ATOX1: variants seen among roughly 807,000 people sequenced by gnomAD.
ATOX1 encodes the protein copper transport protein ATOX1.
In ATOX1, 4 loss-of-function variants were observed where a neutral mutation model predicts 7.3. The ratio of observed to expected loss-of-function variants is 0.55; its 90% CI spans 0.27 to 1.25. ATOX1 has a LOEUF of 1.25. Ranked by LOEUF, ATOX1 falls within the 50% of genes most tolerant of loss-of-function variation. The pLI is 0.12. For missense variants in ATOX1, 68 were observed against 81.6 expected (o/e 0.83, Z 0.64); for synonymous variants, 25 against 28.7 (o/e 0.87, Z 0.41).
At chr5:151,752,560 G>A (rs1447836484) in intron 1 of ATOX1, 10 of 537,934 alleles carry the variant, frequency 1.9e-5, no homozygotes, top group Non-Finnish European at 3.3e-5. Flanking sequence ...CCTGGACAGA[G>A]TAGGTGCTTA....
intron 2 of ATOX1, among the ~76,000 whole-genome samples, chr5:151,749,318 T>G (rs938307978): frequency 2.6e-5 from 4 of 151,762 alleles, no homozygotes; most frequent in African/African-American, 9.7e-5. Context: ...AAACCCCGTC[T>G]CTACTAAAAA....
At chr5:151,744,425 GTTA>G (rs995036365) in intron 3 of ATOX1, 6 of 152,166 alleles carry the variant, frequency 3.9e-5, no homozygotes, top group Non-Finnish European at 7.3e-5. Flanking sequence ...GGTTAAAATA[GTTA>G]TTATGTCTTG....
intron 1 of ATOX1, among the ~76,000 whole-genome samples, chr5:151,756,629 C>A (rs1303799592): frequency 6.6e-6 from 1 of 152,134 alleles, no homozygotes; most frequent in African/African-American, 2.4e-5. Flanking sequence ...CGGGCCACCA[C>A]GTCTGGCTAA....
intron 2 of ATOX1, among the ~76,000 whole-genome samples, chr5:151,749,779 C>G (rs540644108): frequency 1.3e-5 from 2 of 152,116 alleles, no homozygotes; most frequent in African/African-American, 4.8e-5. Flanking sequence ...GAAAGAAGGG[C>G]CCACAGTCAC....
intron 2 of ATOX1, among the ~76,000 whole-genome samples, chr5:151,747,342 G>T (rs1367838161): frequency 1.3e-5 from 2 of 152,082 alleles, no homozygotes; most frequent in Non-Finnish European, 2.9e-5. Context: ...CTGGAGTGCA[G>T]TGGCACAATC....
At chr5:151,757,580 C>G (rs566449112) in intron 1 of ATOX1, among the ~76,000 whole-genome samples, 2 of 152,340 alleles carry the variant, frequency 1.3e-5, no homozygotes, top group African/African-American at 4.8e-5. Flanking sequence ...TGTGGGATAC[C>G]TCTGGGTATC....
At chr5:151,750,667 G>A (rs1435832398) in intron 2 of ATOX1, among the ~76,000 whole-genome samples, 1 of 105,178 alleles carries the variant, frequency 9.5e-6, no homozygotes, top group Non-Finnish European at 1.8e-5. Flanking sequence ...TTTTTTTGGA[G>A]ACAGGGTCTT....
chr5:151,748,678 G>A (rs557189399), intron 2 of ATOX1, among the ~76,000 whole-genome samples: 114 of 151,968 alleles, frequency 7.5e-4, no homozygotes, highest in Middle Eastern at 6.8e-3. Flanking sequence ...CCTGGCTAAC[G>A]TGGTGAAACC....
intron 2 of ATOX1, among the ~76,000 whole-genome samples, chr5:151,751,254 C>G (rs763430152): frequency 4.0e-5 from 5 of 124,008 alleles, no homozygotes; most frequent in Non-Finnish European, 6.5e-5. Context: ...GAAACTCTGT[C>G]TCAAAAAAAA....
chr5:151,746,494 C>T (rs759710128), intron 2 of ATOX1, 45 bp from the exon 3 acceptor site: 2 of 1,609,768 alleles, frequency 1.2e-6, no homozygotes, highest in Non-Finnish European at 1.7e-6. Context: ...AGCACAGACC[C>T]TCCCAGTTAC....
At chr5:151,755,444 C>T (rs896439599) in intron 1 of ATOX1, among the ~76,000 whole-genome samples, 4 of 152,168 alleles carry the variant, frequency 2.6e-5, no homozygotes, top group Non-Finnish European at 4.4e-5. Context: ...AGGCTTTCTT[C>T]GCTCCAGGGA....
Position 151,751,714 on chromosome 5 carries a change from A to G in ATOX1, c.72T>C (p.Asn24=). Residue 24 remains asparagine (N), a synonymous_variant, in exon 2 of 4, where the codon AAT becomes AAC. Coordinates refer to ENST00000313115, the MANE Select transcript of ATOX1 (RefSeq NM_004045.4). The part of the protein sequence containing the change: ...GCAEAVSRVL[N]KLGGVKYDID... ...GGGCCACTCACTCACCTCCAAGCTTATTGAGGACCCGAGAGACAGCTTCAG... is the reference window on the plus strand; with the variant it reads ...GGGCCACTCACTCACCTCCAAGCTTGTTGAGGACCCGAGAGACAGCTTCAG... The G allele has an allele frequency of 6.2e-7, 1 of 1,606,710 alleles. No individual in the cohort carries two copies. Among genetic ancestry groups the G allele is most frequent in the African/African-American group, 1.3e-5 (1 of 74,852 alleles).
chr5:151,746,559 C>A, intron 2 of ATOX1, 110 bp from the exon 3 acceptor site: 2 of 1,457,194 alleles, frequency 1.4e-6, no homozygotes, highest in Non-Finnish European at 1.9e-6. Context: ...TTGCCCTTTC[C>A]TCTAGAGCAG....
chr5:151,758,514 G>A, intron 1 of ATOX1, 32 bp downstream of exon 1: 3 of 1,483,910 alleles, frequency 2.0e-6, no homozygotes, highest in Non-Finnish European at 2.7e-6. Flanking sequence ...GGGACTGCAA[G>A]TCTGCGTGGC....
chr5:151,749,634 C>G (rs1430103961), intron 2 of ATOX1, among the ~76,000 whole-genome samples: 8 of 149,062 alleles, frequency 5.4e-5, no homozygotes. Flanking sequence ...TCCACTCTAG[C>G]CTGGGTGAAA....
chr5:151,746,609 T>C (rs1761882579), intron 2 of ATOX1, 160 bp from the exon 3 acceptor site: 2 of 865,878 alleles, frequency 2.3e-6, no homozygotes, highest in South Asian at 3.3e-5. Context: ...AGAAAGCAAA[T>C]GTTTTAGGCA....
At chr5:151,752,391 G>C (rs1197418394) in intron 1 of ATOX1, 2 of 697,826 alleles carry the variant, frequency 2.9e-6, no homozygotes, top group Non-Finnish European at 5.2e-6. Context: ...CAGTGGGTTG[G>C]AGGCCAGGCA....
chr5:151,746,188 G>T, intron 3 of ATOX1, 91 bp downstream of exon 3: 1 of 1,216,808 alleles, frequency 8.2e-7, no homozygotes, highest in Non-Finnish European at 1.1e-6. Flanking sequence ...GGGCTCTCCC[G>T]CTCCACTCAA....
chr5:151,752,931 CAT>C (rs1231777581), intron 1 of ATOX1, among the ~76,000 whole-genome samples: 1 of 152,072 alleles, frequency 6.6e-6, no homozygotes, highest in Non-Finnish European at 1.5e-5. Context: ...TCCCATTCCA[CAT>C]GTCTCGGGTT....
Sources: allele counts gnomAD v4.1 joint callset (sites outside exome capture counted in the v4.1 genomes callset), GRCh38; gene constraint gnomAD v4.1.1; transcripts MANE v1.5; gene names NCBI Gene and HGNC (gene_info 2026-07-23, HGNC 2026-07-21).